Variants in ANKRD44 observed in about 807,000 individuals in gnomAD.
ANKRD44 encodes serine/threonine-protein phosphatase 6 regulatory ankyrin repeat subunit B.
A neutral mutation model predicts 116.0 loss-of-function variants in ANKRD44; 35 were observed. The observed-to-expected ratio is 0.30, with a 90% CI of 0.23 to 0.40. The LOEUF (loss-of-function observed/expected upper bound fraction) is 0.40. Ranked by LOEUF, ANKRD44 falls within the 10% of genes least tolerant of loss-of-function variation. The pLI is 1.00. For missense variants in ANKRD44, 1,014 were observed against 1,242.6 expected (o/e 0.82, Z 2.77); for synonymous variants, 435 against 461.8 (o/e 0.94, Z 0.74).
intron 1 of ANKRD44, among the ~76,000 whole-genome samples, chr2:197,227,026 C>A (rs1430461796): frequency 6.6e-6 from 1 of 152,176 alleles, no homozygotes; most frequent in African/African-American, 2.4e-5. Context: ...GTCAGGACAA[C>A]CATATCACCC....
intron 1 of ANKRD44, among the ~76,000 whole-genome samples, chr2:197,217,194 T>C (rs1324661634): frequency 6.6e-6 from 1 of 152,190 alleles, no homozygotes; most frequent in East Asian, 1.9e-4. Context: ...ATAATCACAA[T>C]TGTCTCCTAT....
chr2:197,176,542 T>C (rs1313888860), intron 2 of ANKRD44, among the ~76,000 whole-genome samples: 1 of 152,188 alleles, frequency 6.6e-6, no homozygotes, highest in Non-Finnish European at 1.5e-5. Flanking sequence ...ATGGATTATT[T>C]ACCAATAAAT....
chr2:197,200,118 C>T (rs1409949548), intron 1 of ANKRD44, among the ~76,000 whole-genome samples: 1 of 152,208 alleles, frequency 6.6e-6, no homozygotes, highest in Non-Finnish European at 1.5e-5. Flanking sequence ...ACACAAAACA[C>T]TTAAACTGTG....
At chr2:197,219,810 C>T (rs1010970088) in intron 1 of ANKRD44, among the ~76,000 whole-genome samples, 8 of 151,916 alleles carry the variant, frequency 5.3e-5, no homozygotes, top group Non-Finnish European at 8.8e-5. Flanking sequence ...ATCTCACCTC[C>T]CAAGGGAAAA....
chr2:196,967,401 T>C (rs946485555), exon 22 of ANKRD44: 1 of 469,800 alleles, frequency 2.1e-6, no homozygotes, highest in Non-Finnish European at 4.4e-6. Context: ...TCAGGGTGCC[T>C]GTTTTGCAGC....
intron 2 of ANKRD44, among the ~76,000 whole-genome samples, chr2:197,177,917 AT>A (rs1480449317): frequency 1.3e-5 from 2 of 152,202 alleles, no homozygotes; most frequent in African/African-American, 2.4e-5. Context: ...ATACAACCTC[AT>A]GTGGATGTTC....
chr2:197,074,621 A>G (rs890264669), intron 16 of ANKRD44, among the ~76,000 whole-genome samples: 2 of 152,086 alleles, frequency 1.3e-5, no homozygotes, highest in African/African-American at 4.8e-5. Context: ...ACAGGTGCAC[A>G]TCACATCACC....
At position 197,203,079 on chromosome 2, in the gene ANKRD44, C is replaced by G. The variant is rs2081130023; in HGVS notation, c.28-15973G>C. 6.6e-6 allele frequency among the ~76,000 whole-genome samples: 1 copy of G among 152,144 alleles called. No homozygotes were observed. The highest frequency in any genetic ancestry group is 1.5e-5 in the Non-Finnish European group (1 of 68,022). ...CTTCAACATACATGCAGCACTGAAT[C>G]TGATTCTTCATCTCAATACCTTCGA... On this transcript the variant is annotated intron_variant, in intron 1 of 27. Transcript: ENST00000282272. The surrounding 1 kb of genome is among the most constrained non-coding windows in gnomAD (Gnocchi z 4.1).
chr2:196,969,637 T>C (rs1283754553), intron 21 of ANKRD44, among the ~76,000 whole-genome samples: 28 of 152,210 alleles, frequency 1.8e-4, no homozygotes, highest in Admixed American at 1.8e-3. Flanking sequence ...TGATATACCA[T>C]CTACATGGCT....
intron 1 of ANKRD44, among the ~76,000 whole-genome samples, chr2:197,228,210 A>G (rs1308226207): frequency 2.0e-5 from 3 of 152,242 alleles, no homozygotes; most frequent in Non-Finnish European, 2.9e-5. Context: ...GCTGGCATAT[A>G]GTAAGTGCTC....
At chr2:197,306,476 A>C (rs2105927849) in intron 1 of ANKRD44, among the ~76,000 whole-genome samples, 1 of 152,342 alleles carries the variant, frequency 6.6e-6, no homozygotes, top group East Asian at 1.9e-4. Flanking sequence ...AATGTGTGAC[A>C]TTATTAGGTC....
At position 197,310,652 on chromosome 2, in the gene ANKRD44, A is replaced by T. The variant is rs2084231240; in HGVS notation, c.-48T>A. On this transcript the variant is annotated 5_prime_UTR_variant, in exon 1 of 28. Transcript: ENST00000282272. ...ACACATGCAGGTCCCCGGCCCGCAG[A>T]TGTCACGCCGGGAGCCGGGGAAGCG... 1.5e-6 allele frequency: 2 copies of T among 1,331,430 alleles called. No individual in the cohort carries two copies. Among genetic ancestry groups the T allele is most frequent in the Non-Finnish European group, 2.0e-6 (2 of 1,017,324 alleles). The allele number at this position is 1,331,430 out of a possible 1,614,324, so 82.5% of individuals were successfully genotyped here.
intron 16 of ANKRD44, among the ~76,000 whole-genome samples, chr2:197,039,149 A>AT (rs1480693021): frequency 2.0e-5 from 3 of 152,222 alleles, no homozygotes; most frequent in Non-Finnish European, 2.9e-5. Flanking sequence ...ATACTTTCCT[A>AT]TAACTGAATT....
intron 6 of ANKRD44, among the ~76,000 whole-genome samples, chr2:197,124,228 C>G (rs911436924): frequency 6.6e-5 from 10 of 152,148 alleles, no homozygotes; most frequent in African/African-American, 2.2e-4. Context: ...CCCAAGGATT[C>G]ACTCAGACCC....
chr2:197,117,073 C>A (rs557032885), intron 8 of ANKRD44, among the ~76,000 whole-genome samples: 2 of 152,192 alleles, frequency 1.3e-5, no homozygotes, highest in South Asian at 4.1e-4. Flanking sequence ...TACAGATAAA[C>A]TGAGACACAC....
In ANKRD44 at chr2:197,203,848, A is replaced by G. The variant is rs2081147485; in HGVS notation, c.28-16742T>C. ...GATGAACCTTGGAAACATTATGCTAAGTGCAAGAAGCCAGACACAAAAGGC... is the reference window on the plus strand; with the variant it reads ...GATGAACCTTGGAAACATTATGCTAGGTGCAAGAAGCCAGACACAAAAGGC... On this transcript the variant is annotated intron_variant, in intron 1 of 27. Transcript: ENST00000282272. The surrounding 1 kb of genome is among the most constrained non-coding windows in gnomAD (Gnocchi z 4.1). 6.6e-6 allele frequency among the ~76,000 whole-genome samples: 1 copy of G among 152,232 alleles called. No individual in the cohort carries two copies. The highest frequency in any genetic ancestry group is 2.4e-5 in the African/African-American group (1 of 41,462).
At chr2:197,310,376 C>A (rs911868058) in intron 1 of ANKRD44, among the ~76,000 whole-genome samples, 9 of 147,122 alleles carry the variant, frequency 6.1e-5, no homozygotes, top group African/African-American at 1.7e-4. Flanking sequence ...GCGCGCAGTT[C>A]CGACGGCCCA....
chr2:197,274,178 G>A (rs1429051781), intron 1 of ANKRD44, among the ~76,000 whole-genome samples: 1 of 151,628 alleles, frequency 6.6e-6, no homozygotes, highest in Non-Finnish European at 1.5e-5. Context: ...TAGAAGTCAT[G>A]TTCCTGTTCT....
At chr2:197,006,499 C>T (rs2076205386) in intron 20 of ANKRD44, among the ~76,000 whole-genome samples, 1 of 152,090 alleles carries the variant, frequency 6.6e-6, no homozygotes, top group South Asian at 2.1e-4. Context: ...GTTTTAGAAT[C>T]AGGAAGATCT....
Sources: allele counts gnomAD v4.1 joint callset (sites outside exome capture counted in the v4.1 genomes callset), GRCh38; gene constraint gnomAD v4.1.1; non-coding constraint Gnocchi (gnomAD v3.1); transcripts MANE v1.5; gene names NCBI Gene and HGNC (gene_info 2026-07-23, HGNC 2026-07-21).